Variants in KATNIP observed in about 807,000 individuals in gnomAD.
KATNIP encodes the protein katanin interacting protein, also known as katanin-interacting protein.
A neutral mutation model predicts 174.0 loss-of-function variants in KATNIP; 126 were observed. The observed-to-expected ratio is 0.72, with a 90% confidence interval of 0.63 to 0.84. The LOEUF (loss-of-function observed/expected upper bound fraction) is 0.84. KATNIP is among the 40% of genes least tolerant of loss of function. The pLI, the probability that KATNIP is intolerant of heterozygous loss-of-function variation, is 0.00. For synonymous variants in KATNIP, 810 were observed against 835.7 expected (o/e 0.97, Z 0.53); for missense variants, 1,958 against 2,109.7 (o/e 0.93, Z 1.41).
intron 6 of KATNIP, among the ~76,000 whole-genome samples, chr16:27,652,866 C>T (rs570310353): frequency 4.0e-5 from 6 of 151,442 alleles, no homozygotes; most frequent in Non-Finnish European, 5.9e-5. Context: ...ACAAAGTTTA[C>T]GTTTTAAAAA....
chr16:27,672,488 T>C lies in KATNIP; in HGVS notation c.541-5241T>C, dbSNP rs540949649. Among the ~76,000 whole-genome samples the C allele has an allele frequency of 5.9e-5, 9 of 152,328 alleles. No individual in the cohort carries two copies. The East Asian group carries it at 1.7e-3, about 29-fold the overall frequency. On this transcript the variant is annotated intron_variant, in intron 6 of 27. Transcript: ENST00000261588. ...TCCCGCCCCACACTGTATGCTCCTATAAGGCCAGAGGTTTGCCATCTTGCT... is the reference window on the plus strand; with the variant it reads ...TCCCGCCCCACACTGTATGCTCCTACAAGGCCAGAGGTTTGCCATCTTGCT...
intron 1 of KATNIP, among the ~76,000 whole-genome samples, chr16:27,556,609 T>C (rs1251848426): frequency 6.6e-6 from 1 of 152,220 alleles, no homozygotes; most frequent in Non-Finnish European, 1.5e-5. Context: ...GCCAAGATGA[T>C]ATTTAGCCTC....
At position 27,654,786 on chromosome 16, in the gene KATNIP, C is replaced by A. The variant is rs747221478; in HGVS notation, c.540+6051C>A. 4 of 1,346,314 alleles carry A rather than the reference C, an allele frequency of 3.0e-6. No individual in the cohort carries two copies. In the Admixed American group the frequency reaches 5.7e-5, roughly 19 times the overall value. 83.4% of individuals were successfully genotyped at this position (1,346,314 alleles called of 1,614,324 possible). On this transcript the variant is annotated intron_variant, in intron 6 of 27. Coordinates refer to ENST00000261588, the MANE Select transcript of KATNIP (RefSeq NM_015202.5). ...ACCCCTAAGGGCTGGGGATCTTTTC[C>A]GTAGCCAAGCAGCTGTGCCTGCCTT...
At chr16:27,650,171 T>A (rs1302501293) in intron 6 of KATNIP, among the ~76,000 whole-genome samples, 1 of 145,352 alleles carries the variant, frequency 6.9e-6, no homozygotes, top group Non-Finnish European at 1.5e-5. Flanking sequence ...AAACTGTGTC[T>A]AAAAAAAAAA....
intron 5 of KATNIP, among the ~76,000 whole-genome samples, chr16:27,633,896 T>A (rs1317438925): frequency 6.6e-6 from 1 of 152,146 alleles, no homozygotes; most frequent in East Asian, 1.9e-4. Context: ...CATCTTCAAG[T>A]CATTGATTAA....
chr16:27,651,233 G>T lies in KATNIP; in HGVS notation c.540+2498G>T, dbSNP rs140666548. Among the ~76,000 whole-genome samples, 19 of 152,272 alleles carry T rather than the reference G, an allele frequency of 1.2e-4. No homozygotes were observed. The South Asian group carries it at 3.9e-3, about 32-fold the overall frequency. On this transcript the variant is annotated intron_variant, in intron 6 of 27. Coordinates refer to ENST00000261588, the MANE Select transcript of KATNIP (RefSeq NM_015202.5). ...TCCGCATAGGCATGGCTGCTGCTCCGCCAGCACTTAATTTTCTCCACTCTG... is the reference window on the plus strand; with the variant it reads ...TCCGCATAGGCATGGCTGCTGCTCCTCCAGCACTTAATTTTCTCCACTCTG...
intron 13 of KATNIP, among the ~76,000 whole-genome samples, chr16:27,709,930 A>C (rs1567330917): frequency 6.6e-6 from 1 of 152,230 alleles, no homozygotes; most frequent in Non-Finnish European, 1.5e-5. Context: ...GGCCAAGGTC[A>C]TGCAGCTGGA....
rs190815959 is a variant in KATNIP, at chr16:27,745,608, C to T, written c.2624-3976C>T. On this transcript the variant is annotated intron_variant, in intron 15 of 27. Coordinates refer to ENST00000261588, the MANE Select transcript of KATNIP (RefSeq NM_015202.5). ...TGTGATATCCCTCTAAGTACTTCATCGTTTCCTGTTTTAGTAGCAATTACC... is the reference window on the plus strand; with the variant it reads ...TGTGATATCCCTCTAAGTACTTCATTGTTTCCTGTTTTAGTAGCAATTACC... Among the ~76,000 whole-genome samples the T allele has an allele frequency of 5.3e-5, 8 of 152,334 alleles. No individual in the cohort carries two copies. The East Asian group carries it at 7.7e-4, about 15-fold the overall frequency.
rs1236833597 is a variant in KATNIP, at chr16:27,777,187, A to T, written c.4551+158A>T. Among the ~76,000 whole-genome samples, 1 of 152,202 alleles carries T rather than the reference A, an allele frequency of 6.6e-6. No homozygotes were observed. Among genetic ancestry groups the T allele is most frequent in the Admixed American group, 6.5e-5 (1 of 15,282 alleles). On this transcript the variant is annotated intron_variant, in intron 25 of 27. Coordinates refer to ENST00000261588, the MANE Select transcript of KATNIP (RefSeq NM_015202.5). The surrounding 1 kb of genome is among the most constrained non-coding windows in gnomAD (Gnocchi z 4.4). ...ATGCAGGCGAATTTCCCACCCAACC[A>T]TGAATTCAGAACCTGCTGGCAGTGA... is the stretch of plus-strand genomic sequence containing the variant.
rs575290140 is a variant in KATNIP, at chr16:27,582,051, G to A, written c.63+8095G>A. Among the ~76,000 whole-genome samples the A allele has an allele frequency of 3.0e-4, 45 of 152,130 alleles. No homozygotes were observed. In the South Asian group the frequency reaches 9.4e-3, roughly 32 times the overall value. ...TGTGAATTGCAGCACCTCGATTTCTGCAAGCCATCTCTTGCAGCCCTGAGC... is the reference window on the plus strand; with the variant it reads ...TGTGAATTGCAGCACCTCGATTTCTACAAGCCATCTCTTGCAGCCCTGAGC... On this transcript the variant is annotated intron_variant, in intron 2 of 27. Transcript: ENST00000261588.
Position 27,775,028 on chromosome 16 carries a change from G to A in KATNIP, c.4393G>A (p.Val1465Met). Reference protein sequence around the residue: ...VRTPDKLIDQVNDTSDGRHMW... With the variant: ...VRTPDKLIDQMNDTSDGRHMW... ...CACCCCAGACAAGCTCATCGACCAA[G>A]TGAACGACACCAGTGATGGCCGGCA... The change falls in exon 24 of 28, where the codon GTG (valine) becomes ATG (methionine). Residue 1465 changes from valine (V) to methionine (M), a missense_variant. Physicochemically the swap from Val to Met is conservative, Grantham distance 21. Around this residue, in one of 3 missense-constraint regions of KATNIP, gnomAD observed 383 missense variants for 456.0 expected, o/e 0.84. Transcript: ENST00000261588. 1.2e-6 allele frequency: 2 copies of A among 1,613,664 alleles called. No homozygotes were observed. The highest frequency in any genetic ancestry group is 1.7e-6 in the Non-Finnish European group (2 of 1,179,898).
At chr16:27,582,355 C>T (rs2090731516) in intron 2 of KATNIP, among the ~76,000 whole-genome samples, 1 of 152,158 alleles carries the variant, frequency 6.6e-6, no homozygotes, top group Non-Finnish European at 1.5e-5. Context: ...AGCTGACATT[C>T]CAACTCTGCA....
At chr16:27,661,911 AATATATATATATAT>A (rs55805859) in intron 6 of KATNIP, among the ~76,000 whole-genome samples, 628 of 9,886 alleles carry the variant, frequency 0.064, 53 homozygotes, top group Non-Finnish European at 0.088. Flanking sequence ...GTGCCTGGCT[AATATATATATATAT>A]ATATATATAT....
intron 8 of KATNIP, among the ~76,000 whole-genome samples, chr16:27,682,200 C>T (rs935175970): frequency 6.6e-6 from 1 of 152,094 alleles, no homozygotes; most frequent in Non-Finnish European, 1.5e-5. Context: ...GTGAACAGAC[C>T]AGCTTTGTCT....
intron 6 of KATNIP, among the ~76,000 whole-genome samples, chr16:27,670,412 C>G (rs1394308541): frequency 6.6e-6 from 1 of 152,220 alleles, no homozygotes; most frequent in Non-Finnish European, 1.5e-5. Flanking sequence ...ATGCCTCTAT[C>G]TTTATTTTGA....
intron 14 of KATNIP, among the ~76,000 whole-genome samples, 177 bp from the exon 15 acceptor site, chr16:27,739,864 G>A (rs528002196): frequency 3.9e-5 from 6 of 152,264 alleles, no homozygotes; most frequent in Admixed American, 2.6e-4. Flanking sequence ...AGTATGTAGC[G>A]GTTCCCACAG....
In KATNIP at chr16:27,681,409, G is replaced by A. The variant is rs1433609423; in HGVS notation, c.819G>A (p.Arg273=). The change falls in exon 8 of 28, where the codon AGG becomes AGA. Residue 273 remains arginine (R), a synonymous_variant. Transcript: ENST00000261588. ...EFNPASKSHK[R]ERNLSAKRKD... ...ATTGTTTTCCTACAGGTCATAAAAGGGAAAGGAATTTGTCTGCAAAGCGGA... is the reference window on the plus strand; with the variant it reads ...ATTGTTTTCCTACAGGTCATAAAAGAGAAAGGAATTTGTCTGCAAAGCGGA... 2 of 1,614,194 alleles carry A rather than the reference G, an allele frequency of 1.2e-6. No individual in the cohort carries two copies. The highest frequency in any genetic ancestry group is 2.2e-5 in the East Asian group (1 of 44,884).
At chr16:27,618,649 C>G (rs769666196) in intron 3 of KATNIP, 148 bp downstream of exon 3, 15 of 598,948 alleles carry the variant, frequency 2.5e-5, no homozygotes, top group Non-Finnish European at 4.5e-5. Context: ...TCTGCAACCC[C>G]AGCTCCTATT....
intron 1 of KATNIP, among the ~76,000 whole-genome samples, chr16:27,559,917 G>T (rs997774440): frequency 1.3e-5 from 2 of 151,432 alleles, no homozygotes; most frequent in East Asian, 3.9e-4. Flanking sequence ...GGAGGCAAAG[G>T]TTGCAGTGAG....
Sources: gnomAD v4.1 joint callset for allele counts (sites outside exome capture counted in the v4.1 genomes callset) on GRCh38, gnomAD v4.1.1 for gene constraint, gnomAD v4.1.1 regional missense constraint, Gnocchi (gnomAD v3.1) non-coding constraint, MANE v1.5 for transcripts, NCBI Gene and HGNC (gene_info 2026-07-23, HGNC 2026-07-21) for gene names.